Variants in FAM120B observed in about 807,000 individuals in gnomAD.
The protein encoded by FAM120B is constitutive coactivator of peroxisome proliferator-activated receptor gamma.
In FAM120B, 83 loss-of-function variants were observed where a neutral mutation model predicts 96.3. The observed-to-expected ratio is 0.86, with a 90% CI of 0.72 to 1.03. The LOEUF is 1.03. FAM120B is among the 50% of genes least tolerant of loss of function. The pLI is 0.00. For missense variants in FAM120B, 1,027 were observed against 1,121.2 expected, an observed-to-expected ratio of 0.92 and a Z score of 1.20; for synonymous variants, 407 against 402.7, an observed-to-expected ratio of 1.01 and a Z score of -0.13.
At chr6:170,332,774 G>A (rs573994992) in intron 4 of FAM120B, among the ~76,000 whole-genome samples, 10 of 151,802 alleles carry the variant, frequency 6.6e-5, no homozygotes, top group Non-Finnish European at 1.5e-4. Flanking sequence ...GGTTCTTGTC[G>A]CACCATTAGA....
chr6:170,312,704 A>C (rs1784659122), intron 1 of FAM120B, among the ~76,000 whole-genome samples: 1 of 147,394 alleles, frequency 6.8e-6, no homozygotes, highest in South Asian at 2.2e-4. Flanking sequence ...GCTTTCTTTG[A>C]GGTGCCGATG....
chr6:170,337,658 C>T (rs1381001340), intron 4 of FAM120B, among the ~76,000 whole-genome samples: 1 of 152,122 alleles, frequency 6.6e-6, no homozygotes, highest in African/African-American at 2.4e-5. Flanking sequence ...TCCGTCTGGT[C>T]CTGGGCTTTT....
chr6:170,361,273 C>A (rs1394411174), intron 6 of FAM120B, among the ~76,000 whole-genome samples: 1 of 108,728 alleles, frequency 9.2e-6, no homozygotes, highest in African/African-American at 3.9e-5. Flanking sequence ...TATATAGTTA[C>A]ATACATATTA....
intron 4 of FAM120B, among the ~76,000 whole-genome samples, chr6:170,337,745 C>G (rs936068660): frequency 2.0e-5 from 3 of 152,054 alleles, no homozygotes; most frequent in Non-Finnish European, 2.9e-5. Context: ...CAGCTTCTTC[C>G]TGGTTTAGTC....
intron 4 of FAM120B, among the ~76,000 whole-genome samples, chr6:170,344,713 C>T (rs73790667): frequency 3.7e-4 from 56 of 152,270 alleles, no homozygotes; most frequent in African/African-American, 1.3e-3. Flanking sequence ...GGATCCATTC[C>T]CTCACCTCTT....
intron 5 of FAM120B, among the ~76,000 whole-genome samples, chr6:170,352,017 C>T (rs1787612491): frequency 6.6e-6 from 1 of 152,170 alleles, no homozygotes; most frequent in Non-Finnish European, 1.5e-5. Flanking sequence ...GAGCCATGAC[C>T]CATCCATATG....
At position 170,363,115 on chromosome 6, in the gene FAM120B, C is replaced by T. The variant is rs1788567373; in HGVS notation, c.2283+4797C>T. 6.6e-6 allele frequency among the ~76,000 whole-genome samples: 1 copy of T among 152,180 alleles called. No homozygotes were observed. Among genetic ancestry groups the T allele is most frequent in the African/African-American group, 2.4e-5 (1 of 41,452 alleles). The stretch of plus-strand genomic sequence containing the variant: ...GAAAGCCACAAAACCATCACCCCTC[C>T]TCCTGCTGGCTTTGTCTCCAGCCCG... On this transcript the variant is annotated intron_variant, in intron 6 of 10. Coordinates refer to ENST00000476287, the MANE Select transcript of FAM120B (RefSeq NM_032448.3). This position sits in a 1 kb window ranked among gnomAD's most constrained non-coding sequence, Gnocchi z 4.5.
rs1020841757 is a variant in FAM120B at position 170,318,706 on chromosome 6, T to C, written c.1316T>C (p.Met439Thr). ...TDSEPRQEVP[M>T]YTDSEPRQEV... ...TCTGAACCCAGGCAAGAAGTTCCCATGTATACAGACTCTGAACCCAGGCAA... is the reference window on the plus strand; with the variant it reads ...TCTGAACCCAGGCAAGAAGTTCCCACGTATACAGACTCTGAACCCAGGCAA... The change falls in exon 2 of 11, where the codon ATG becomes ACG. Residue 439 changes from methionine to threonine, a missense_variant. Transcript: ENST00000476287. 1 of 1,593,334 alleles carries C rather than the reference T, an allele frequency of 6.3e-7. No individual in the cohort carries two copies. Among genetic ancestry groups the C allele is most frequent in the Non-Finnish European group, 8.6e-7 (1 of 1,168,978 alleles).
In FAM120B at chr6:170,358,273, C is replaced by T; in HGVS notation, c.2238C>T (p.Ala746=). Residue 746 remains alanine (A), a synonymous_variant, in exon 6 of 11, where the codon GCC becomes GCT. Coordinates refer to ENST00000476287, the MANE Select transcript of FAM120B (RefSeq NM_032448.3). The part of the protein sequence containing the change: ...LEDLHAFIAQ[A]LCLQGKSTSQ... ...ATTTGCATGCGTTTATTGCGCAGGC[C>T]TTGTGCCTCCAAGGAAAATCCACCT... 1 of 1,607,158 alleles carries T rather than the reference C, an allele frequency of 6.2e-7. No individual in the cohort carries two copies. The highest frequency in any genetic ancestry group is 8.5e-7 in the Non-Finnish European group (1 of 1,175,576).
At chr6:170,321,967 C>T (rs1785323136) in intron 2 of FAM120B, among the ~76,000 whole-genome samples, 1 of 152,170 alleles carries the variant, frequency 6.6e-6, no homozygotes. Context: ...CATTTTAATG[C>T]CTTTAGTAGT....
At chr6:170,329,470 A>G (rs1785850249) in intron 3 of FAM120B, among the ~76,000 whole-genome samples, 1 of 151,932 alleles carries the variant, frequency 6.6e-6, no homozygotes, top group Admixed American at 6.6e-5. Context: ...GACCACCCCC[A>G]CTGTCCCCTG....
At chr6:170,342,829 C>T (rs1031309138) in intron 4 of FAM120B, among the ~76,000 whole-genome samples, 23 of 152,216 alleles carry the variant, frequency 1.5e-4, no homozygotes, top group Non-Finnish European at 2.2e-4. Context: ...TTGTTGGAAA[C>T]ATCTCAGCTG....
intron 6 of FAM120B, among the ~76,000 whole-genome samples, chr6:170,374,912 C>G (rs1489207843): frequency 6.6e-6 from 1 of 152,238 alleles, no homozygotes; most frequent in Non-Finnish European, 1.5e-5. Flanking sequence ...TTCCATTATA[C>G]TTTAATTTCT....
At chr6:170,306,169 G>A (rs1235218096), upstream of FAM120B, among the ~76,000 whole-genome samples, 1 of 152,210 alleles carries the variant, frequency 6.6e-6, no homozygotes, top group Non-Finnish European at 1.5e-5. Flanking sequence ...AGAACACCCG[G>A]CCGAGAAGTG....
intron 6 of FAM120B, among the ~76,000 whole-genome samples, chr6:170,376,123 A>G (rs1247216887): frequency 2.6e-5 from 4 of 152,154 alleles, no homozygotes; most frequent in Non-Finnish European, 4.4e-5. Context: ...CTAGGCCCTC[A>G]TCATTATTAC....
At chr6:170,357,487 T>C (rs1014239239) in intron 5 of FAM120B, among the ~76,000 whole-genome samples, 1 of 152,180 alleles carries the variant, frequency 6.6e-6, no homozygotes, top group Non-Finnish European at 1.5e-5. Flanking sequence ...CTTTTCTCAC[T>C]TTTGCTGCAT....
At position 170,406,657 on chromosome 6, in the gene FAM120B, G is replaced by A. The variant is rs1177473976; in HGVS notation, c.*1906G>A. The stretch of plus-strand genomic sequence containing the variant: ...ACATGTTTTCCTAGCTTTGGAAATC[G>A]ATTTTTTTCATTCCTCTTATGAGGA... On this transcript the variant is annotated 3_prime_UTR_variant, in exon 11 of 11. Transcript: ENST00000476287. 4 of 152,056 alleles carry A rather than the reference G, an allele frequency of 2.6e-5. No individual in the cohort carries two copies. Among genetic ancestry groups the A allele is most frequent in the East Asian group, 1.9e-4 (1 of 5,202 alleles). 9.4% of individuals were successfully genotyped at this position (152,056 alleles called of 1,614,324 possible). A position where few individuals can be genotyped will look rare whatever the true frequency, so the allele number is the denominator to read the frequency against.
rs189395837 is a variant in FAM120B at position 170,353,358 on chromosome 6, C to A, written c.2191-4868C>A. Among the ~76,000 whole-genome samples the A allele has an allele frequency of 6.0e-4, 91 of 152,308 alleles. 1 individual carries two copies. The East Asian group carries it at 0.017, about 28-fold the overall frequency. On this transcript the variant is annotated intron_variant, in intron 5 of 10. Transcript: ENST00000476287. ...TGGCACCATTTCTACTGAAACTGTT[C>A]CAAAATATTGAAAAGGAAGGACTCC...
At chr6:170,393,413 TAC>T in intron 8 of FAM120B, among the ~76,000 whole-genome samples, 1 of 152,336 alleles carries the variant, frequency 6.6e-6, no homozygotes, top group Non-Finnish European at 1.5e-5. Context: ...CAGTGGTACT[TAC>T]AATTTTTATA....
Sources: allele counts gnomAD v4.1 joint callset (sites outside exome capture counted in the v4.1 genomes callset), GRCh38; gene constraint gnomAD v4.1.1; non-coding constraint Gnocchi (gnomAD v3.1); transcripts MANE v1.5; gene names NCBI Gene and HGNC (gene_info 2026-07-23, HGNC 2026-07-21).